OPCML: variants seen among roughly 807,000 people sequenced by gnomAD.
The protein encoded by OPCML is opioid-binding protein/cell adhesion molecule.
OPCML carries 13 observed loss-of-function variants against 37.8 expected under a neutral mutation model. That is an observed-to-expected ratio of 0.34 (90% CI 0.22 to 0.55). The LOEUF (loss-of-function observed/expected upper bound fraction) is 0.55, where lower values mean the gene tolerates loss of function less well. Among genes scored for constraint, OPCML ranks in the 20% least tolerant of loss-of-function variants. The pLI is 0.91. For synonymous variants in OPCML, 176 were observed against 168.8 expected, an observed-to-expected ratio of 1.04 and a Z score of -0.33; for missense variants, 341 against 435.6, an observed-to-expected ratio of 0.78 and a Z score of 1.93.
At chr11:132,787,390 T>C (rs969472655) in intron 2 of OPCML, among the ~76,000 whole-genome samples, 3 of 152,184 alleles carry the variant, frequency 2.0e-5, no homozygotes, top group Admixed American at 1.3e-4. Flanking sequence ...AATAGGCCCT[T>C]TTGGTTTTAA....
intron 2 of OPCML, among the ~76,000 whole-genome samples, chr11:132,808,244 G>A (rs1392375893): frequency 6.6e-6 from 1 of 152,190 alleles, no homozygotes; most frequent in Non-Finnish European, 1.5e-5. Flanking sequence ...AGCTCCGACT[G>A]CGGGATGTTG....
At chr11:132,722,334 G>T (rs1285751098) in intron 2 of OPCML, among the ~76,000 whole-genome samples, 1 of 151,776 alleles carries the variant, frequency 6.6e-6, no homozygotes, top group African/African-American at 2.4e-5. Context: ...TTTTTAGAGG[G>T]GATGCAGGCT....
chr11:132,510,212 T>A (rs1383649929), intron 4 of OPCML, among the ~76,000 whole-genome samples: 1 of 152,182 alleles, frequency 6.6e-6, no homozygotes, highest in African/African-American at 2.4e-5. Flanking sequence ...AATGACTATA[T>A]TTACCCAGTA....
At chr11:132,537,429 T>A (rs2096343777) in intron 3 of OPCML, among the ~76,000 whole-genome samples, 1 of 152,104 alleles carries the variant, frequency 6.6e-6, no homozygotes, top group Non-Finnish European at 1.5e-5. Flanking sequence ...TATACAAAAA[T>A]TAACTCAAAA....
intron 1 of OPCML, among the ~76,000 whole-genome samples, chr11:133,111,184 A>AG (rs1248727360): frequency 2.8e-5 from 3 of 106,584 alleles, no homozygotes; most frequent in African/African-American, 9.1e-5. Context: ...TGTGTGAATG[A>AG]GAAAAAAATG....
At chr11:132,645,990 G>C (rs567095357) in intron 3 of OPCML, among the ~76,000 whole-genome samples, 1 of 152,316 alleles carries the variant, frequency 6.6e-6, no homozygotes, top group Admixed American at 6.5e-5. Flanking sequence ...GAAGAATGCA[G>C]GATGCTGGGC....
At chr11:132,876,411 C>G (rs1943018672) in intron 2 of OPCML, among the ~76,000 whole-genome samples, 1 of 152,136 alleles carries the variant, frequency 6.6e-6, no homozygotes, top group African/African-American at 2.4e-5. Context: ...TCAGAGCTAC[C>G]CAGGAAACAT....
At chr11:132,899,050 T>C (rs1030201299) in intron 2 of OPCML, among the ~76,000 whole-genome samples, 5 of 152,124 alleles carry the variant, frequency 3.3e-5, no homozygotes, top group Non-Finnish European at 5.9e-5. Flanking sequence ...AATGGGAAAC[T>C]ACCACAACCC....
intron 1 of OPCML, among the ~76,000 whole-genome samples, chr11:133,038,199 G>C (rs2136938769): frequency 6.6e-6 from 1 of 152,326 alleles, no homozygotes; most frequent in South Asian, 2.1e-4. Context: ...CGCTGGCCCT[G>C]TCTGTCCCTT....
chr11:132,747,532 A>G (rs971636363), intron 2 of OPCML, among the ~76,000 whole-genome samples: 1 of 152,176 alleles, frequency 6.6e-6, no homozygotes, highest in Admixed American at 6.5e-5. Flanking sequence ...TGGAGGAATC[A>G]CTTCCAGTAC....
intron 3 of OPCML, among the ~76,000 whole-genome samples, chr11:132,550,369 T>G (rs766534003): frequency 7.2e-5 from 11 of 152,154 alleles, no homozygotes; most frequent in Non-Finnish European, 1.6e-4. Context: ...GCTGTCCTCA[T>G]GATAGTGAGT....
In OPCML at chr11:133,448,716, C is replaced by T. The variant is rs565746147; in HGVS notation, c.61+83548G>A. Among the ~76,000 whole-genome samples, 257 of 152,248 alleles carry T rather than the reference C, an allele frequency of 1.7e-3. 6 individuals carry two copies. The South Asian group carries it at 0.053, about 31-fold the overall frequency. ...CAGGTGATCGCCCGCCTCAGCGTCC[C>T]GAAGTGCTGGGATTACAGGCATGAG... On this transcript the variant is annotated intron_variant, in intron 1 of 7. Transcript: ENST00000524381.
At chr11:132,729,885 A>C (rs2136005637) in intron 2 of OPCML, among the ~76,000 whole-genome samples, 1 of 152,298 alleles carries the variant, frequency 6.6e-6, no homozygotes, top group Middle Eastern at 3.4e-3. Flanking sequence ...AACTTACTTA[A>C]TATGGCACCA....
At chr11:133,406,159 C>A (rs1312211237) in intron 1 of OPCML, among the ~76,000 whole-genome samples, 1 of 152,056 alleles carries the variant, frequency 6.6e-6, no homozygotes, top group Admixed American at 6.5e-5. Context: ...TAACAATAAT[C>A]GCAATTCAGT....
At chr11:133,347,264 T>G (rs1312310837) in intron 1 of OPCML, among the ~76,000 whole-genome samples, 1 of 152,226 alleles carries the variant, frequency 6.6e-6, no homozygotes, top group Admixed American at 6.5e-5. Flanking sequence ...GTCTTCATGA[T>G]GACTCTCCCT....
chr11:132,621,732 AT>A (rs1234215885), intron 3 of OPCML, among the ~76,000 whole-genome samples: 7 of 152,216 alleles, frequency 4.6e-5, no homozygotes, highest in Non-Finnish European at 1.0e-4. Context: ...CTTGCTGTAC[AT>A]ATAAGATCTC....
At chr11:133,384,841 T>C (rs910141957) in intron 1 of OPCML, among the ~76,000 whole-genome samples, 7 of 152,112 alleles carry the variant, frequency 4.6e-5, no homozygotes, top group African/African-American at 7.3e-5. Flanking sequence ...CTAGGCTGGA[T>C]GATAGGCAGA....
chr11:133,140,707 C>T (rs551001467), intron 1 of OPCML, among the ~76,000 whole-genome samples: 2 of 33,040 alleles, frequency 6.1e-5, no homozygotes, highest in East Asian at 2.5e-3. Context: ...AAGAAGAAGA[C>T]GGAAGACGAA....
chr11:132,630,833 C>G (rs1426251984), intron 3 of OPCML, among the ~76,000 whole-genome samples: 1 of 152,238 alleles, frequency 6.6e-6, no homozygotes, highest in African/African-American at 2.4e-5. Flanking sequence ...ATAACAGATT[C>G]ATTCATTTTT....
Sources: gnomAD v4.1 joint callset for allele counts (sites outside exome capture counted in the v4.1 genomes callset) on GRCh38, gnomAD v4.1.1 for gene constraint, MANE v1.5 for transcripts, NCBI Gene and HGNC (gene_info 2026-07-23, HGNC 2026-07-21) for gene names.